The following CCL11 variants were observed in gnomAD, a reference collection of about 807,000 sequenced individuals.
CCL11 encodes the protein C-C motif chemokine ligand 11.
CCL11 carries 7 observed loss-of-function variants against 7.3 expected under a neutral mutation model. The observed-to-expected ratio is 0.96, with a 90% CI of 0.55 to 1.81. CCL11 has a LOEUF of 1.81. Ranked by LOEUF, CCL11 falls within the 40% of genes most tolerant of loss-of-function variation. The pLI, the probability that CCL11 is intolerant of heterozygous loss-of-function variation, is 0.00. For synonymous variants in CCL11, 66 were observed against 45.2 expected, an observed-to-expected ratio of 1.46 and a Z score of -1.84; for missense variants, 132 against 114.2, an observed-to-expected ratio of 1.16 and a Z score of -0.71.
At chr17:34,287,297 A>G (rs1473387621) in intron 2 of CCL11, 90 bp downstream of exon 2, 1 of 904,170 alleles carries the variant, frequency 1.1e-6, no homozygotes, top group Non-Finnish European at 1.8e-6. Flanking sequence ...TGGGAGTCAT[A>G]GACTCTGATA....
At position 34,287,771 on chromosome 17, in the gene CCL11, A is replaced by G. The variant is rs1238737829; in HGVS notation, c.*81A>G. ...CCTTCTTACAATGCATTCTGAGGTAACCTCATTATCAGTCCAAAGGGCATG... is the reference window on the plus strand; with the variant it reads ...CCTTCTTACAATGCATTCTGAGGTAGCCTCATTATCAGTCCAAAGGGCATG... On this transcript the variant is annotated 3_prime_UTR_variant, in exon 3 of 3. Coordinates refer to ENST00000305869, the MANE Select transcript of CCL11 (RefSeq NM_002986.3). 2 of 815,402 alleles carry G rather than the reference A, an allele frequency of 2.5e-6. No homozygotes were observed. Among genetic ancestry groups the G allele is most frequent in the Admixed American group, 3.9e-5 (2 of 50,960 alleles). 50.5% of individuals were successfully genotyped at this position (815,402 alleles called of 1,614,324 possible). A position where few individuals can be genotyped will look rare whatever the true frequency, so the allele number is the denominator to read the frequency against.
At chr17:34,287,434 C>G (rs1908668313) in intron 2 of CCL11, 151 bp from the exon 3 acceptor site, 2 of 659,880 alleles carry the variant, frequency 3.0e-6, no homozygotes, top group Non-Finnish European at 5.4e-6. Flanking sequence ...TTTACTGGGC[C>G]TTTAAGAGCA....
At chr17:34,287,255 G>A (rs1490586604) in intron 2 of CCL11, 48 bp downstream of exon 2, 2 of 1,323,694 alleles carry the variant, frequency 1.5e-6, no homozygotes, top group Non-Finnish European at 2.2e-6. Flanking sequence ...ATAATGTCTA[G>A]GGCACAGAGT....
chr17:34,286,626 G>A (rs1199868520), intron 1 of CCL11, among the ~76,000 whole-genome samples: 5 of 152,222 alleles, frequency 3.3e-5, no homozygotes, highest in Admixed American at 2.6e-4. Context: ...AAGCTCTCAG[G>A]AGTCTTGCAT....
rs769349409 is a variant in CCL11 at position 34,285,831 on chromosome 17, T to A, written c.23T>A (p.Leu8Gln). The A allele has an allele frequency of 6.2e-7, 1 of 1,613,164 alleles. No homozygotes were observed. Among genetic ancestry groups the A allele is most frequent in the African/African-American group, 1.3e-5 (1 of 75,032 alleles). ...AACATGAAGGTCTCCGCAGCACTTCTGTGGCTGCTGCTCATAGCAGCTGCC... is the reference window on the plus strand; with the variant it reads ...AACATGAAGGTCTCCGCAGCACTTCAGTGGCTGCTGCTCATAGCAGCTGCC... The part of the protein sequence containing the change: MKVSAAL[L>Q]WLLLIAAAFS... The change falls in exon 1 of 3, where the codon CTG becomes CAG. Residue 8 changes from leucine (L) to glutamine (Q), a missense_variant. Coordinates refer to ENST00000305869, the MANE Select transcript of CCL11 (RefSeq NM_002986.3).
At position 34,285,781 on chromosome 17, in the gene CCL11, G is replaced by A. The variant is rs201467666; in HGVS notation, c.-28G>A. The A allele has an allele frequency of 2.8e-5, 45 of 1,591,360 alleles. No homozygotes were observed. The highest frequency in any genetic ancestry group is 3.3e-4 in the Middle Eastern group (2 of 5,980). On this transcript the variant is annotated 5_prime_UTR_variant, in exon 1 of 3. Transcript: ENST00000305869. ...CAACCCAGAAACCACCACCTCTCAC[G>A]CCAAAGCTCACACCTTCAGCCTCCA...
rs768719395 is a variant in CCL11, at chr17:34,287,820, T to A, written c.*130T>A. 20,201 of 297,216 alleles carry A rather than the reference T, an allele frequency of 0.068. 724 individuals are homozygous for A. Among genetic ancestry groups the A allele is most frequent in the East Asian group, 0.11 (2,000 of 18,438 alleles). The allele number at this position is 297,216 out of a possible 1,614,324, so 18.4% of individuals were successfully genotyped here. A position where few individuals can be genotyped will look rare whatever the true frequency, so the allele number is the denominator to read the frequency against. On this transcript the variant is annotated 3_prime_UTR_variant, in exon 3 of 3. Transcript: ENST00000305869. ...TGGGTTTTATTATATATATATATTT[T>A]TTTTTTTAAAAAAAAAACGTATTGC... is the stretch of plus-strand genomic sequence containing the variant.
chr17:34,285,933 G>A (rs201490233), intron 1 of CCL11, 49 bp downstream of exon 1: 3 of 1,272,914 alleles, frequency 2.4e-6, no homozygotes, highest in Non-Finnish European at 3.3e-6. Flanking sequence ...CACCTCCAGA[G>A]CTACTAGGTC....
intron 1 of CCL11, among the ~76,000 whole-genome samples, chr17:34,286,595 A>G (rs1253085608): frequency 1.3e-5 from 2 of 152,236 alleles, no homozygotes; most frequent in Non-Finnish European, 1.5e-5. Flanking sequence ...ACATTGATGG[A>G]TACTGTGATA....
At chr17:34,287,315 C>T (rs1219336114) in intron 2 of CCL11, 108 bp downstream of exon 2, 2 of 773,734 alleles carry the variant, frequency 2.6e-6, no homozygotes, top group South Asian at 3.3e-5. Context: ...ATAGTTTGAC[C>T]TCTATGGTCC....
At chr17:34,287,046 A>C in intron 1 of CCL11, 50 bp from the exon 2 acceptor site, 1 of 1,231,688 alleles carries the variant, frequency 8.1e-7, no homozygotes, top group Non-Finnish European at 1.2e-6. Flanking sequence ...TCTATGTATC[A>C]TCATGTGGCT....
chr17:34,287,766 AG>A lies in CCL11; in HGVS notation c.*78del, dbSNP rs1908683111. ...TTTTCCCTTCTTACAATGCATTCTG[AG>A]GTAACCTCATTATCAGTCCAAAGGG... On this transcript the variant is annotated 3_prime_UTR_variant, in exon 3 of 3. Coordinates refer to ENST00000305869, the MANE Select transcript of CCL11 (RefSeq NM_002986.3). 2 of 847,438 alleles carry A rather than the reference AG, an allele frequency of 2.4e-6. No homozygotes were observed. Among genetic ancestry groups the A allele is most frequent in the Non-Finnish European group, 4.0e-6 (2 of 499,968 alleles). The allele number at this position is 847,438 out of a possible 1,614,324, so 52.5% of individuals were successfully genotyped here.
Position 34,285,890 on chromosome 17 carries a change from C to T in CCL11, c.76+6C>T. ...CCAGGGGCTCGCTGGGCCAGGTAAG[C>T]CCCCCAACTCCTTACAGGAAAGGTA... is the stretch of plus-strand genomic sequence containing the variant. On this transcript the variant is annotated splice_donor_region_variant and intron_variant, in intron 1 of 2. Transcript: ENST00000305869. The T allele has an allele frequency of 1.3e-6, 2 of 1,599,738 alleles. No individual in the cohort carries two copies. The highest frequency in any genetic ancestry group is 1.7e-6 in the Non-Finnish European group (2 of 1,171,420).
chr17:34,287,065 T>C (rs200581050), intron 1 of CCL11, 31 bp from the exon 2 acceptor site: 16 of 1,455,286 alleles, frequency 1.1e-5, no homozygotes, highest in Non-Finnish European at 1.3e-5. Context: ...CTCATTTTTT[T>C]CTCTGTTCAT....
At chr17:34,286,393 T>A (rs750770757) in intron 1 of CCL11, among the ~76,000 whole-genome samples, 1 of 152,178 alleles carries the variant, frequency 6.6e-6, no homozygotes, top group Non-Finnish European at 1.5e-5. Flanking sequence ...ATTTACTGAG[T>A]GTATCGGTCC....
rs200594613 is a variant in CCL11 at position 34,285,832 on chromosome 17, G to A, written c.24G>A (p.Leu8=). 17 of 1,613,116 alleles carry A rather than the reference G, an allele frequency of 1.1e-5. No homozygotes were observed. The highest frequency in any genetic ancestry group is 1.3e-5 in the African/African-American group (1 of 75,008). Reference sequence around the variant, plus strand: ...ACATGAAGGTCTCCGCAGCACTTCTGTGGCTGCTGCTCATAGCAGCTGCCT... The same window carrying A: ...ACATGAAGGTCTCCGCAGCACTTCTATGGCTGCTGCTCATAGCAGCTGCCT... MKVSAAL[L]WLLLIAAAFS... The change falls in exon 1 of 3, where the codon CTG becomes CTA. Residue 8 remains leucine, a synonymous_variant. Transcript: ENST00000305869.
chr17:34,287,127 G>A lies in CCL11; in HGVS notation c.108G>A (p.Leu36=). The change falls in exon 2 of 3, where the codon CTG becomes CTA. Residue 36 remains leucine, a synonymous_variant. Coordinates refer to ENST00000305869, the MANE Select transcript of CCL11 (RefSeq NM_002986.3). ...TCCCAACCACCTGCTGCTTTAACCT[G>A]GCCAATAGGAAGATACCCCTTCAGC... ...ASVPTTCCFN[L]ANRKIPLQRL... is the part of the protein sequence containing the mutation. 1.2e-6 allele frequency: 2 copies of A among 1,613,662 alleles called. No homozygotes were observed. The highest frequency in any genetic ancestry group is 1.7e-6 in the Non-Finnish European group (2 of 1,179,850).
rs200454183 is a variant in CCL11, at chr17:34,287,804, T to TTATA, written c.*124_*127dup. On this transcript the variant is annotated 3_prime_UTR_variant, in exon 3 of 3. Transcript: ENST00000305869. ...ATCAGTCCAAAGGGCATGGGTTTTA[T>TTATA]TATATATATATATTTTTTTTTTTAA... 8.0e-6 allele frequency: 3 copies of TTATA among 373,004 alleles called. No individual in the cohort carries two copies. Among genetic ancestry groups the TTATA allele is most frequent in the Middle Eastern group, 6.6e-4 (1 of 1,506 alleles). The allele number at this position is 373,004 out of a possible 1,614,324, so 23.1% of individuals were successfully genotyped here.
At chr17:34,287,270 A>G in intron 2 of CCL11, 63 bp downstream of exon 2, 1 of 1,191,850 alleles carries the variant, frequency 8.4e-7, no homozygotes, top group South Asian at 1.2e-5. Flanking sequence ...CAGAGTCAAG[A>G]ACTGTGTCAC....
Sources: gnomAD v4.1 joint callset for allele counts (sites outside exome capture counted in the v4.1 genomes callset) on GRCh38, gnomAD v4.1.1 for gene constraint, MANE v1.5 for transcripts, NCBI Gene and HGNC (gene_info 2026-07-23, HGNC 2026-07-21) for gene names.